Variants in RAB27A observed in about 807,000 individuals in gnomAD.
The protein encoded by RAB27A is RAB27A, member RAS oncogene family, also known as ras-related protein Rab-27A.
RAB27A carries 17 observed loss-of-function variants against 20.8 expected under a neutral mutation model. The ratio of observed to expected loss-of-function variants is 0.82; its 90% CI spans 0.56 to 1.23. The LOEUF is 1.23. Ranked by LOEUF, RAB27A falls within the 50% of genes most tolerant of loss-of-function variation. RAB27A has a pLI of 0.00. For synonymous variants in RAB27A, 85 were observed against 92.8 expected, an observed-to-expected ratio of 0.92 and a Z score of 0.48; for missense variants, 277 against 266.7, an observed-to-expected ratio of 1.04 and a Z score of -0.27.
At chr15:55,267,998 T>C (rs1056508259) in intron 2 of RAB27A, among the ~76,000 whole-genome samples, 2 of 152,138 alleles carry the variant, frequency 1.3e-5, no homozygotes, top group African/African-American at 4.8e-5. Flanking sequence ...CATACCTCTG[T>C]GACTTAACTA....
intron 2 of RAB27A, among the ~76,000 whole-genome samples, chr15:55,266,057 G>A (rs1897468340): frequency 6.6e-6 from 1 of 152,234 alleles, no homozygotes; most frequent in South Asian, 2.1e-4. Context: ...CCGACTGAAT[G>A]TTTGTGTCTC....
At chr15:55,208,734 A>G (rs1894773873) in intron 6 of RAB27A, among the ~76,000 whole-genome samples, 1 of 152,226 alleles carries the variant, frequency 6.6e-6, no homozygotes. Flanking sequence ...AAACTCTGGC[A>G]AGAGGAATGG....
intron 2 of RAB27A, among the ~76,000 whole-genome samples, chr15:55,300,042 G>A (rs67603645): frequency 0.37 from 55,585 of 151,562 alleles, 12,446 homozygotes; most frequent in African/African-American, 0.62. Flanking sequence ...GGATGGTCTC[G>A]AGCTCCTGAC....
chr15:55,221,520 C>A (rs7183603), intron 6 of RAB27A, among the ~76,000 whole-genome samples: 50,896 of 151,836 alleles, frequency 0.34, 10,526 homozygotes, highest in African/African-American at 0.59. Flanking sequence ...GTCAGCCTCC[C>A]CCTCAGAATC....
intron 2 of RAB27A, among the ~76,000 whole-genome samples, chr15:55,260,542 T>C (rs1318963819): frequency 1.3e-5 from 2 of 152,238 alleles, no homozygotes; most frequent in African/African-American, 4.8e-5. Context: ...CAACAAGATG[T>C]TCGTCAGTAG....
intron 2 of RAB27A, among the ~76,000 whole-genome samples, chr15:55,262,545 G>GA (rs5812801): frequency 0.31 from 44,358 of 141,436 alleles, 8,633 homozygotes; most frequent in African/African-American, 0.55. Flanking sequence ...CTGACTCAAA[G>GA]AAAAAAAAAA....
At chr15:55,261,513 A>C (rs1184976063) in intron 2 of RAB27A, among the ~76,000 whole-genome samples, 1 of 151,230 alleles carries the variant, frequency 6.6e-6, no homozygotes, top group Non-Finnish European at 1.5e-5. Context: ...CCAGATTATG[A>C]GATCAGGAGT....
At chr15:55,235,118 A>G (rs1441300646) in intron 2 of RAB27A, among the ~76,000 whole-genome samples, 162 bp from the exon 3 acceptor site, 1 of 152,218 alleles carries the variant, frequency 6.6e-6, no homozygotes, top group Non-Finnish European at 1.5e-5. Context: ...CCATCCTTGA[A>G]GACCTAATAA....
chr15:55,215,990 A>G (rs559711777), intron 6 of RAB27A, among the ~76,000 whole-genome samples: 1 of 149,940 alleles, frequency 6.7e-6, no homozygotes, highest in East Asian at 2.0e-4. Flanking sequence ...CTCTGGAGTC[A>G]TGCTGCCTGG....
At chr15:55,290,351 T>C (rs1898278234), upstream of RAB27A, 1 of 152,118 alleles carries the variant, frequency 6.6e-6, no homozygotes, top group South Asian at 2.1e-4. Flanking sequence ...CTGGCTTAGG[T>C]CGGCCTGGAC....
intron 6 of RAB27A, among the ~76,000 whole-genome samples, chr15:55,216,308 G>T (rs1270400438): frequency 1.3e-5 from 2 of 152,106 alleles, no homozygotes; most frequent in Admixed American, 6.5e-5. Context: ...CCAAGGCAGG[G>T]TCGGAGTTGA....
chr15:55,276,940 T>A (rs996736676), intron 1 of RAB27A, among the ~76,000 whole-genome samples: 3 of 152,144 alleles, frequency 2.0e-5, no homozygotes, highest in African/African-American at 7.2e-5. Context: ...CCCAAATTCA[T>A]CAAGATGTAT....
intron 2 of RAB27A, among the ~76,000 whole-genome samples, chr15:55,253,069 T>G (rs1595718605): frequency 6.6e-6 from 1 of 150,832 alleles, no homozygotes; most frequent in Non-Finnish European, 1.5e-5. Context: ...GAGGCGGAGG[T>G]TGCAGTGAGC....
At chr15:55,206,784 T>C (rs1053755818) in intron 6 of RAB27A, among the ~76,000 whole-genome samples, 4 of 152,216 alleles carry the variant, frequency 2.6e-5, no homozygotes, top group African/African-American at 9.7e-5. Context: ...TTTCTTAATA[T>C]AGCTATAAAA....
At chr15:55,265,249 A>AG (rs1247631754) in intron 2 of RAB27A, among the ~76,000 whole-genome samples, 1 of 149,980 alleles carries the variant, frequency 6.7e-6, no homozygotes, top group African/African-American at 2.4e-5. Flanking sequence ...CTCAAAGAAA[A>AG]AAAGAAGAAG....
chr15:55,228,651 G>C lies in RAB27A; in HGVS notation c.301C>G (p.Leu101Val). 6.2e-7 allele frequency: 1 copy of C among 1,613,546 alleles called. No homozygotes were observed. Among genetic ancestry groups the C allele is most frequent in the Non-Finnish European group, 8.5e-7 (1 of 1,179,522 alleles). Residue 101 changes from leucine to valine, a missense_variant, in exon 5 of 7, where the codon CTG (leucine) becomes GTG (valine). By Grantham distance (32) the Leu-to-Val change is conservative. Coordinates refer to ENST00000336787, the MANE Select transcript of RAB27A (RefSeq NM_183235.3). ...TTGAGGAAACTTTGCTCATTTGTCAGATCAAAAAGTAGAAGAAAACCCATA... is the reference window on the plus strand; with the variant it reads ...TTGAGGAAACTTTGCTCATTTGTCACATCAAAAAGTAGAAGAAAACCCATA... The part of the protein sequence containing the change: ...DAMGFLLLFD[L>V]TNEQSFLNVR...
chr15:55,296,916 T>C (rs952565053), intron 2 of RAB27A, among the ~76,000 whole-genome samples: 1 of 152,054 alleles, frequency 6.6e-6, no homozygotes, highest in Admixed American at 6.6e-5. Flanking sequence ...GGGTTCAGGG[T>C]TGGGCCCATA....
intron 6 of RAB27A, among the ~76,000 whole-genome samples, chr15:55,216,034 G>A (rs1270676131): frequency 6.6e-6 from 1 of 150,648 alleles, no homozygotes; most frequent in Non-Finnish European, 1.5e-5. Context: ...TACCAACTGT[G>A]ATTCTGACAA....
intron 5 of RAB27A, among the ~76,000 whole-genome samples, chr15:55,226,509 TTGTG>T (rs36074324): frequency 0.062 from 9,170 of 148,814 alleles, 800 homozygotes; most frequent in African/African-American, 0.19. Context: ...TTTTATGTAT[TTGTG>T]TGTGTGTGTG....
Sources: gnomAD v4.1 joint callset for allele counts (sites outside exome capture counted in the v4.1 genomes callset) on GRCh38, gnomAD v4.1.1 for gene constraint, MANE v1.5 for transcripts, NCBI Gene and HGNC (gene_info 2026-07-23, HGNC 2026-07-21) for gene names.